The following GRIK4 variants were observed in gnomAD, a reference collection of about 807,000 sequenced individuals.
The protein encoded by GRIK4 is glutamate ionotropic receptor kainate type subunit 4.
In GRIK4, 40 loss-of-function variants were observed where a neutral mutation model predicts 104.9. The observed-to-expected ratio is 0.38, with a 90% confidence interval of 0.30 to 0.50. The LOEUF is 0.50. Ranked by LOEUF, GRIK4 falls within the 20% of genes least tolerant of loss-of-function variation. The probability of loss-of-function intolerance (pLI) is 0.93; values close to 1 mark genes in which losing one functional copy is unlikely to be tolerated. For missense variants in GRIK4, 1,047 were observed against 1,308.1 expected (o/e 0.80, Z 3.08); for synonymous variants, 485 against 524.9 (o/e 0.92, Z 1.04).
intron 3 of GRIK4, among the ~76,000 whole-genome samples, chr11:120,717,793 GC>G (rs1950861237): frequency 6.6e-6 from 1 of 152,142 alleles, no homozygotes; most frequent in South Asian, 2.1e-4. Context: ...AGCCTGGGGT[GC>G]CCTTCCAGCT....
intron 3 of GRIK4, among the ~76,000 whole-genome samples, chr11:120,673,988 CTCTG>C (rs1371255453): frequency 2.6e-5 from 4 of 152,196 alleles, no homozygotes; most frequent in African/African-American, 9.7e-5. Flanking sequence ...ACCGTTCTAG[CTCTG>C]TCTGTTCTTC....
intron 3 of GRIK4, among the ~76,000 whole-genome samples, chr11:120,700,030 G>A (rs767347611): frequency 5.3e-5 from 8 of 152,204 alleles, no homozygotes; most frequent in Non-Finnish European, 1.2e-4. Flanking sequence ...ACTTTATTGT[G>A]TATATTTGGG....
At chr11:120,954,062 C>T (rs1339364473) in intron 15 of GRIK4, among the ~76,000 whole-genome samples, 5 of 152,026 alleles carry the variant, frequency 3.3e-5, no homozygotes, top group Admixed American at 2.6e-4. Flanking sequence ...CCCTAGGGCA[C>T]GTTCATTCAC....
At chr11:120,631,936 G>C (rs773219577) in intron 1 of GRIK4, among the ~76,000 whole-genome samples, 1 of 152,160 alleles carries the variant, frequency 6.6e-6, no homozygotes, top group East Asian at 1.9e-4. Flanking sequence ...GTGATCCCAG[G>C]TTTGAAGTCC....
chr11:120,883,294 T>G (rs2135709305), intron 11 of GRIK4, among the ~76,000 whole-genome samples: 1 of 152,330 alleles, frequency 6.6e-6, no homozygotes, highest in African/African-American at 2.4e-5. Context: ...ATGAGAGTTC[T>G]CTAAAGCTAC....
intron 3 of GRIK4, among the ~76,000 whole-genome samples, chr11:120,668,270 A>G (rs1275185363): frequency 6.6e-6 from 1 of 151,766 alleles, no homozygotes; most frequent in East Asian, 1.9e-4. Flanking sequence ...ATAAGAAAGA[A>G]AGAAAAAAGA....
At chr11:120,875,390 C>A (rs530067749) in intron 11 of GRIK4, 147 bp downstream of exon 11, 1 of 638,942 alleles carries the variant, frequency 1.6e-6, no homozygotes. Context: ...CTGCACCAGC[C>A]TCTCCCTTCC....
chr11:120,898,713 C>G (rs1565425368), intron 12 of GRIK4, 74 bp downstream of exon 12: 2 of 802,444 alleles, frequency 2.5e-6, no homozygotes, highest in Non-Finnish European at 4.4e-6. Context: ...TCACAGGCTG[C>G]CCCTTGAACA....
intron 3 of GRIK4, among the ~76,000 whole-genome samples, chr11:120,758,556 C>T (rs1466476791): frequency 1.3e-5 from 2 of 152,142 alleles, no homozygotes; most frequent in African/African-American, 2.4e-5. Context: ...GCACTGTAAC[C>T]GTGTCTCTGA....
At chr11:120,806,262 C>T (rs926167708) in intron 4 of GRIK4, among the ~76,000 whole-genome samples, 11 of 152,194 alleles carry the variant, frequency 7.2e-5, no homozygotes, top group Non-Finnish European at 1.6e-4. Context: ...GCAGCACTGT[C>T]TCCAGGGCTG....
At chr11:120,866,378 C>G (rs1865683181) in intron 9 of GRIK4, among the ~76,000 whole-genome samples, 1 of 152,198 alleles carries the variant, frequency 6.6e-6, no homozygotes, top group Non-Finnish European at 1.5e-5. Flanking sequence ...CTTCTGTGTG[C>G]AAAGCACCAG....
chr11:120,579,247 G>A (rs1479214730), intron 1 of GRIK4, among the ~76,000 whole-genome samples: 1 of 150,012 alleles, frequency 6.7e-6, no homozygotes, highest in Non-Finnish European at 1.5e-5. Flanking sequence ...TTTTTTGGAT[G>A]GATGAGGCGT....
rs1178821236 is a variant in GRIK4, at chr11:120,877,656, T to C, written c.1164+2413T>C. ...AGTGGCTGCTTTTGTGGAGCCTGTA[T>C]TCTAGTAGGGGACAGGCAGTGGGCA... On this transcript the variant is annotated intron_variant, in intron 11 of 20. Coordinates refer to ENST00000527524, the MANE Select transcript of GRIK4 (RefSeq NM_014619.5). Among the ~76,000 whole-genome samples the C allele has an allele frequency of 2.3e-4, 35 of 152,320 alleles. 1 individual carries two copies. Among genetic ancestry groups the C allele is most frequent in the Non-Finnish European group, 1.5e-5 (1 of 68,034 alleles).
intron 2 of GRIK4, among the ~76,000 whole-genome samples, chr11:120,656,885 T>C (rs1375425749): frequency 6.6e-6 from 1 of 152,204 alleles, no homozygotes; most frequent in Non-Finnish European, 1.5e-5. Flanking sequence ...GATCCACCAG[T>C]CTTTGGGGCC....
intron 16 of GRIK4, among the ~76,000 whole-genome samples, chr11:120,957,578 A>T (rs977018406): frequency 5.6e-5 from 4 of 71,274 alleles, no homozygotes; most frequent in Middle Eastern, 0.01. Flanking sequence ...GGGGCAAAGG[A>T]AAGACAAAAC....
At chr11:120,605,478 A>G (rs376841780) in intron 1 of GRIK4, among the ~76,000 whole-genome samples, 81 of 152,376 alleles carry the variant, frequency 5.3e-4, no homozygotes, top group African/African-American at 1.6e-3. Context: ...GATGACATCA[A>G]GAAGCAGTGT....
chr11:120,950,229 A>G (rs1375062763), intron 14 of GRIK4, among the ~76,000 whole-genome samples: 1 of 152,222 alleles, frequency 6.6e-6, no homozygotes, highest in African/African-American at 2.4e-5. Flanking sequence ...GTCAATCACA[A>G]GTAGAATCAG....
rs1942851003 is a variant in GRIK4 at position 120,905,567 on chromosome 11, C to T, written c.1476+74C>T. The T allele has an allele frequency of 1.1e-5, 10 of 946,016 alleles. No individual in the cohort carries two copies. The highest frequency in any genetic ancestry group is 4.8e-5 in the East Asian group (2 of 41,498). The allele number at this position is 946,016 out of a possible 1,614,324, so 58.6% of individuals were successfully genotyped here. A position where few individuals can be genotyped will look rare whatever the true frequency, so the allele number is the denominator to read the frequency against. ...TGGAAGAGCATGAGGTTGTGCTGCA[C>T]GCTCATGAACCCTCCATTTGTTCAG... On this transcript the variant is annotated intron_variant, in intron 13 of 20. Transcript: ENST00000527524. This position sits in a 1 kb window ranked among gnomAD's most constrained non-coding sequence, Gnocchi z 5.1.
At chr11:120,614,624 A>G (rs1264220098) in intron 1 of GRIK4, among the ~76,000 whole-genome samples, 1 of 152,236 alleles carries the variant, frequency 6.6e-6, no homozygotes, top group African/African-American at 2.4e-5. Flanking sequence ...ACTCAGATGT[A>G]CATGCCAGCT....
Sources: allele counts gnomAD v4.1 joint callset (sites outside exome capture counted in the v4.1 genomes callset), GRCh38; gene constraint gnomAD v4.1.1; non-coding constraint Gnocchi (gnomAD v3.1); transcripts MANE v1.5; gene names NCBI Gene and HGNC (gene_info 2026-07-23, HGNC 2026-07-21).